The following SDK1 variants were observed in gnomAD, a reference collection of about 807,000 sequenced individuals.
The protein encoded by SDK1 is sidekick cell adhesion molecule 1, also known as protein sidekick-1.
Under a neutral mutation model 245.5 loss-of-function variants are expected in SDK1, and 157 were observed. The ratio of observed to expected loss-of-function variants is 0.64; its 90% confidence interval spans 0.56 to 0.73. The LOEUF is 0.73. Among genes scored for constraint, SDK1 ranks in the 30% least tolerant of loss-of-function variants. The pLI, the probability that SDK1 is intolerant of heterozygous loss-of-function variation, is 0.00. For missense variants in SDK1, 3,583 were observed against 3,002.3 expected, an observed-to-expected ratio of 1.19 and a Z score of -4.52; for synonymous variants, 1,647 against 1,278.5, an observed-to-expected ratio of 1.29 and a Z score of -6.15.
In SDK1 at chr7:3,503,933, C is replaced by T. The variant is rs144012236; in HGVS notation, c.299-115147C>T. ...TTGGGAGGCCGAGGTGGGCGGATCA[C>T]GAGGTCAGGAGTTTGAGACCAACTT... is the stretch of plus-strand genomic sequence containing the variant. On this transcript the variant is annotated intron_variant, in intron 1 of 44. Coordinates refer to ENST00000404826, the MANE Select transcript of SDK1 (RefSeq NM_152744.4). Among the ~76,000 whole-genome samples the T allele has an allele frequency of 5.6e-3, 848 of 151,938 alleles. 25 individuals are homozygous for T. The highest frequency in any genetic ancestry group is 1.6e-3 in the Non-Finnish European group (110 of 67,958).
At chr7:4,215,004 C>T (rs1228649699) in intron 38 of SDK1, among the ~76,000 whole-genome samples, 1 of 152,228 alleles carries the variant, frequency 6.6e-6, no homozygotes, top group African/African-American at 2.4e-5. Flanking sequence ...CCCAGGTGGA[C>T]CTCATGGCTG....
At chr7:3,878,060 T>C (rs1186199114) in intron 5 of SDK1, among the ~76,000 whole-genome samples, 1 of 152,228 alleles carries the variant, frequency 6.6e-6, no homozygotes, top group African/African-American at 2.4e-5. Flanking sequence ...TTGTACATAC[T>C]CCCATTAAAG....
chr7:3,823,238 A>G (rs1373254784), intron 5 of SDK1, among the ~76,000 whole-genome samples: 1 of 152,326 alleles, frequency 6.6e-6, no homozygotes, highest in African/African-American at 2.4e-5. Context: ...TGTATTATCA[A>G]ATAGATTGTT....
At chr7:3,858,915 T>C (rs1487961067) in intron 5 of SDK1, among the ~76,000 whole-genome samples, 1 of 147,710 alleles carries the variant, frequency 6.8e-6, no homozygotes, top group African/African-American at 2.6e-5. Flanking sequence ...CAGGCTGGAG[T>C]GCAGTGGCGT....
intron 17 of SDK1, among the ~76,000 whole-genome samples, chr7:4,018,109 C>G (rs1786565954): frequency 6.6e-6 from 1 of 152,214 alleles, no homozygotes; most frequent in African/African-American, 2.4e-5. Flanking sequence ...CCTCATTTGT[C>G]CTACAGCAGC....
At chr7:3,762,012 A>G (rs1010293206) in intron 4 of SDK1, among the ~76,000 whole-genome samples, 5 of 152,320 alleles carry the variant, frequency 3.3e-5, no homozygotes, top group African/African-American at 1.2e-4. Context: ...GGCACAAACT[A>G]TCAGCAGATG....
At chr7:4,165,087 T>C (rs915173786) in intron 32 of SDK1, among the ~76,000 whole-genome samples, 1 of 152,178 alleles carries the variant, frequency 6.6e-6, no homozygotes, top group Non-Finnish European at 1.5e-5. Flanking sequence ...AGTAATTACT[T>C]TAAAAATGCA....
intron 1 of SDK1, among the ~76,000 whole-genome samples, chr7:3,326,832 T>A (rs995845292): frequency 3.9e-5 from 6 of 152,162 alleles, no homozygotes; most frequent in Non-Finnish European, 7.4e-5. Flanking sequence ...GCAAGAGGCT[T>A]CTCAGGCTGT....
At chr7:3,466,275 G>T (rs1464869883) in intron 1 of SDK1, among the ~76,000 whole-genome samples, 2 of 151,518 alleles carry the variant, frequency 1.3e-5, no homozygotes, top group Non-Finnish European at 2.9e-5. Context: ...TGTTCTGCAG[G>T]CTCTGCCAAA....
chr7:3,926,062 G>T (rs1022059893), intron 5 of SDK1, among the ~76,000 whole-genome samples: 1 of 152,202 alleles, frequency 6.6e-6, no homozygotes. Flanking sequence ...AGGGAAATCA[G>T]TGTCACCTAT....
chr7:3,512,032 G>A (rs958727830), intron 1 of SDK1, among the ~76,000 whole-genome samples: 1 of 151,208 alleles, frequency 6.6e-6, no homozygotes, highest in East Asian at 1.9e-4. Flanking sequence ...CTCTGGGTGT[G>A]GGTGAATTTA....
intron 4 of SDK1, among the ~76,000 whole-genome samples, chr7:3,774,386 G>T (rs1562433539): frequency 6.6e-6 from 1 of 152,176 alleles, no homozygotes; most frequent in African/African-American, 2.4e-5. Flanking sequence ...CAGATGTCTT[G>T]TGTTTGGAGG....
chr7:3,697,495 C>G (rs759217149), intron 4 of SDK1, among the ~76,000 whole-genome samples: 1 of 152,166 alleles, frequency 6.6e-6, no homozygotes, highest in Admixed American at 6.5e-5. Flanking sequence ...AAAAGGTTTC[C>G]TGTTTGTTGC....
At chr7:3,530,455 C>T (rs532032873) in intron 1 of SDK1, among the ~76,000 whole-genome samples, 2 of 152,216 alleles carry the variant, frequency 1.3e-5, no homozygotes, top group African/African-American at 4.8e-5. Flanking sequence ...TGTTATTAAC[C>T]TGTGCAATAA....
chr7:4,178,867 C>T lies in SDK1; in HGVS notation c.5098+281C>T, dbSNP rs138466634. ...TCATATTTACTGTGGCTTTGCTCTA[C>T]GAAAGTGGTATTAAGTCAGTGGTGA... is the stretch of plus-strand genomic sequence containing the variant. On this transcript the variant is annotated intron_variant, in intron 35 of 44. Transcript: ENST00000404826. Among the ~76,000 whole-genome samples, 654 of 152,318 alleles carry T rather than the reference C, an allele frequency of 4.3e-3. 5 individuals carry two copies. Among genetic ancestry groups the T allele is most frequent in the African/African-American group, 0.014 (563 of 41,578 alleles).
intron 5 of SDK1, among the ~76,000 whole-genome samples, chr7:3,940,714 C>T (rs552202769): frequency 6.6e-5 from 10 of 152,018 alleles, no homozygotes; most frequent in East Asian, 5.8e-4. Flanking sequence ...CCAGCTACTC[C>T]GGAGGCTGAG....
At chr7:3,821,721 C>G (rs6943646) in intron 5 of SDK1, 138 bp downstream of exon 5, 127,745 of 798,348 alleles carry the variant, frequency 0.16, 11,180 homozygotes, top group Middle Eastern at 0.3. Flanking sequence ...TGATCCAGTG[C>G]CAATAGTTCG....
At chr7:4,008,782 C>T (rs1785703616) in intron 14 of SDK1, among the ~76,000 whole-genome samples, 1 of 152,084 alleles carries the variant, frequency 6.6e-6, no homozygotes, top group Admixed American at 6.6e-5. Flanking sequence ...TGATTGGGTT[C>T]TTTGAAGAGA....
chr7:3,714,135 G>A (rs1016123174), intron 4 of SDK1, among the ~76,000 whole-genome samples: 10 of 152,092 alleles, frequency 6.6e-5, no homozygotes, highest in Non-Finnish European at 1.3e-4. Flanking sequence ...ACAACAACAC[G>A]TTGACGCCAT....
Sources: allele counts gnomAD v4.1 joint callset (sites outside exome capture counted in the v4.1 genomes callset), GRCh38; gene constraint gnomAD v4.1.1; transcripts MANE v1.5; gene names NCBI Gene and HGNC (gene_info 2026-07-23, HGNC 2026-07-21).